Variants in CNR1 observed in about 807,000 individuals in gnomAD.
The protein encoded by CNR1 is cannabinoid receptor 1 (brain).
A neutral mutation model predicts 23.0 loss-of-function variants in CNR1; 10 were observed. The ratio of observed to expected loss-of-function variants is 0.43; its 90% CI spans 0.27 to 0.74. The LOEUF (loss-of-function observed/expected upper bound fraction) is 0.74, where lower values mean the gene tolerates loss of function less well. Among genes scored for constraint, CNR1 ranks in the 30% least tolerant of loss-of-function variants. CNR1 has a pLI of 0.19. For missense variants in CNR1, 422 were observed against 618.8 expected (o/e 0.68, Z 3.37); for synonymous variants, 271 against 255.2 (o/e 1.06, Z -0.59).
At chr6:88,157,490 C>A (rs1777864507) in intron 1 of CNR1, among the ~76,000 whole-genome samples, 1 of 152,278 alleles carries the variant, frequency 6.6e-6, no homozygotes, top group South Asian at 2.1e-4. Flanking sequence ...TGGGTTATTA[C>A]TACTGCCTAT....
rs183543261 is a variant in CNR1, at chr6:88,145,419, G to A, written c.-63-82C>T. 614 of 674,254 alleles carry A rather than the reference G, an allele frequency of 9.1e-4. 3 individuals are homozygous for A. The Middle Eastern group carries it at 0.014, about 16-fold the overall frequency. 41.8% of individuals were successfully genotyped at this position (674,254 alleles called of 1,614,324 possible). Reference sequence around the variant, plus strand: ...AAGAGACACTGTAAATGTGGCAAATGTACTGTCATGGCAACTCATTCCTGT... The same window carrying A: ...AAGAGACACTGTAAATGTGGCAAATATACTGTCATGGCAACTCATTCCTGT... On this transcript the variant is annotated intron_variant, in intron 1 of 1. Transcript: ENST00000369501.
chr6:88,158,193 T>C (rs576736945), intron 1 of CNR1, among the ~76,000 whole-genome samples: 1 of 152,312 alleles, frequency 6.6e-6, no homozygotes, highest in Non-Finnish European at 1.5e-5. Flanking sequence ...AATGTAGTTG[T>C]GATTAAGAAG....
At chr6:88,150,461 T>C (rs1385206271) in intron 1 of CNR1, among the ~76,000 whole-genome samples, 1 of 152,232 alleles carries the variant, frequency 6.6e-6, no homozygotes, top group Non-Finnish European at 1.5e-5. Flanking sequence ...TAGCAAACAG[T>C]AATTAACATT....
chr6:88,166,584 TTCCTCC>T (rs1217191019), upstream of CNR1, among the ~76,000 whole-genome samples: 3 of 152,036 alleles, frequency 2.0e-5, no homozygotes, highest in South Asian at 4.2e-4. Context: ...ACTTCTCCTC[TTCCTCC>T]TCCTCCTCCG....
intron 1 of CNR1, among the ~76,000 whole-genome samples, chr6:88,147,253 A>C (rs1777248222): frequency 6.6e-6 from 1 of 152,244 alleles, no homozygotes; most frequent in Non-Finnish European, 1.5e-5. Context: ...CGGAGGTTGC[A>C]GTGAGGCGAG....
intron 1 of CNR1, among the ~76,000 whole-genome samples, chr6:88,158,658 C>T (rs1321673788): frequency 2.0e-5 from 3 of 152,098 alleles, no homozygotes; most frequent in Non-Finnish European, 4.4e-5. Context: ...CACATTCTGA[C>T]GTTTAAGAAC....
intron 1 of CNR1, among the ~76,000 whole-genome samples, chr6:88,151,312 T>C (rs1355465743): frequency 6.6e-6 from 1 of 152,182 alleles, no homozygotes; most frequent in Admixed American, 6.5e-5. Flanking sequence ...GTAGCTTTTT[T>C]TGATACACCA....
chr6:88,140,164 AACAAT>A lies in CNR1; in HGVS notation c.*3687_*3691del, dbSNP rs1253957210. On this transcript the variant is annotated 3_prime_UTR_variant, in exon 2 of 2. Coordinates refer to ENST00000369501, the MANE Select transcript of CNR1 (RefSeq NM_016083.6). ...GATGTTACCAGCTCAACAAACATCTAACAATACAATATTCTTCTAAGAGGAAAAGT... is the reference window on the plus strand; with the variant it reads ...GATGTTACCAGCTCAACAAACATCTAACAATATTCTTCTAAGAGGAAAAGT... 1 of 152,812 alleles carries A rather than the reference AACAAT, an allele frequency of 6.5e-6. No homozygotes were observed. Among genetic ancestry groups the A allele is most frequent in the Admixed American group, 6.5e-5 (1 of 15,292 alleles). The allele number at this position is 152,812 out of a possible 1,614,324, so 9.5% of individuals were successfully genotyped here.
At chr6:88,163,953 C>T (rs1778237499) in intron 1 of CNR1, among the ~76,000 whole-genome samples, 1 of 152,172 alleles carries the variant, frequency 6.6e-6, no homozygotes, top group Non-Finnish European at 1.5e-5. Context: ...CAAACAAAGC[C>T]AAGCACTACT....
Position 88,145,282 on chromosome 6 carries a change from G to C in CNR1, c.-8C>G. The stretch of plus-strand genomic sequence containing the variant: ...ATCTAGGATCGACTTCATAACCTCA[G>C]TCTTTGATTAGGCTGAGCTCAAAAT... On this transcript the variant is annotated 5_prime_UTR_variant, in exon 2 of 2. Transcript: ENST00000369501. 1 of 1,598,096 alleles carries C rather than the reference G, an allele frequency of 6.3e-7. No homozygotes were observed. The highest frequency in any genetic ancestry group is 2.2e-5 in the East Asian group (1 of 44,660).
chr6:88,159,918 T>A (rs1777999806), intron 1 of CNR1, among the ~76,000 whole-genome samples: 1 of 152,110 alleles, frequency 6.6e-6, no homozygotes, highest in Non-Finnish European at 1.5e-5. Context: ...TAAATTTGAT[T>A]AATTTTTAAA....
chr6:88,165,738 T>A (rs1301389088), intron 1 of CNR1, 65 bp downstream of exon 1: 2 of 152,540 alleles, frequency 1.3e-5, no homozygotes, highest in Non-Finnish European at 2.9e-5. Flanking sequence ...GGGACCACAC[T>A]GGTCGTACCC....
At chr6:88,146,762 A>G (rs1582334005) in intron 1 of CNR1, among the ~76,000 whole-genome samples, 1 of 152,342 alleles carries the variant, frequency 6.6e-6, no homozygotes, top group Admixed American at 6.5e-5. Flanking sequence ...GTTAATTGGC[A>G]TTTGTTGTTC....
At chr6:88,158,952 C>T (rs970149853) in intron 1 of CNR1, among the ~76,000 whole-genome samples, 1 of 152,120 alleles carries the variant, frequency 6.6e-6, no homozygotes, top group Non-Finnish European at 1.5e-5. Context: ...AGTCTACAAT[C>T]CAGGGCTTCT....
intron 1 of CNR1, among the ~76,000 whole-genome samples, chr6:88,163,241 C>T (rs1455756853): frequency 1.3e-5 from 2 of 152,228 alleles, no homozygotes; most frequent in Non-Finnish European, 2.9e-5. Context: ...ATTCAAGAAG[C>T]TATAACCAAA....
Position 88,142,501 on chromosome 6 carries a change from T to G in CNR1, c.*1355A>C, listed in dbSNP as rs1341545680. On this transcript the variant is annotated 3_prime_UTR_variant, in exon 2 of 2. Transcript: ENST00000369501. The stretch of plus-strand genomic sequence containing the variant: ...CAAATACATCCCTTCCTTGGATGCC[T>G]GTCATTATTTTTTGCTAAGCACTGG... The G allele has an allele frequency of 1.3e-5, 2 of 152,374 alleles. No homozygotes were observed. Among genetic ancestry groups the G allele is most frequent in the Admixed American group, 6.5e-5 (1 of 15,286 alleles). The allele number at this position is 152,374 out of a possible 1,614,324, so 9.4% of individuals were successfully genotyped here. A position where few individuals can be genotyped will look rare whatever the true frequency, so the allele number is the denominator to read the frequency against.
At chr6:88,158,602 GTTGGGGTGCATC>G (rs1301182563) in intron 1 of CNR1, among the ~76,000 whole-genome samples, 3 of 152,264 alleles carry the variant, frequency 2.0e-5, no homozygotes, top group Non-Finnish European at 4.4e-5. Context: ...AAACTCTAGG[GTTGGGGTGCATC>G]TCCATTCTTA....
At position 88,159,035 on chromosome 6, in the gene CNR1, C is replaced by G. The variant is rs552540486; in HGVS notation, c.-64+6768G>C. On this transcript the variant is annotated intron_variant, in intron 1 of 1. Transcript: ENST00000369501. ...AAGTGGCTTCAAAATGTAATGTGTA[C>G]TGATATAATACACAGATATATATTA... 6.6e-5 allele frequency among the ~76,000 whole-genome samples: 10 copies of G among 152,142 alleles called. No individual in the cohort carries two copies. The South Asian group carries it at 2.1e-3, about 32-fold the overall frequency.
chr6:88,147,425 TG>T (rs1428307368), intron 1 of CNR1, among the ~76,000 whole-genome samples: 1 of 152,228 alleles, frequency 6.6e-6, no homozygotes, highest in Non-Finnish European at 1.5e-5. Flanking sequence ...CAGGATGCTC[TG>T]GGGACACCCA....
Sources: allele counts gnomAD v4.1 joint callset (sites outside exome capture counted in the v4.1 genomes callset), GRCh38; gene constraint gnomAD v4.1.1; transcripts MANE v1.5; gene names NCBI Gene and HGNC (gene_info 2026-07-23, HGNC 2026-07-21).